Variants in MAVS observed in about 807,000 individuals in gnomAD.
MAVS encodes mitochondrial antiviral-signaling protein.
MAVS carries 20 observed loss-of-function variants against 30.2 expected under a neutral mutation model. The ratio of observed to expected loss-of-function variants is 0.66; its 90% CI spans 0.47 to 0.96. The LOEUF is 0.96. MAVS is among the 40% of genes least tolerant of loss of function. MAVS has a pLI of 0.00. For missense variants in MAVS, 624 were observed against 701.1 expected (o/e 0.89, Z 1.24); for synonymous variants, 278 against 293.9 (o/e 0.95, Z 0.55).
At position 3,874,259 on chromosome 20, in the gene MAVS, G is replaced by A. The variant is rs144606453; in HGVS notation, c.*8112G>A. 4 of 398,462 alleles carry A rather than the reference G, an allele frequency of 1.0e-5. No individual in the cohort carries two copies. Among genetic ancestry groups the A allele is most frequent in the Non-Finnish European group, 1.8e-5 (4 of 226,054 alleles). 24.7% of individuals were successfully genotyped at this position (398,462 alleles called of 1,614,324 possible). ...TGATCCATGGTGTTAGAAGCCAGGG[G>A]AACAGTTAACAGGGGAGGGATACTG... On this transcript the variant is annotated 3_prime_UTR_variant, in exon 7 of 7. Transcript: ENST00000428216.
rs2089977185 is a variant in MAVS at position 3,874,529 on chromosome 20, T to C, written c.*8382T>C. ...AAAAAAGGGAAGGCTCTGGGTGTGC[T>C]GTGATTGGAGATTGTTGGCATGGGG... On this transcript the variant is annotated 3_prime_UTR_variant, in exon 7 of 7. Transcript: ENST00000428216. 1 of 267,280 alleles carries C rather than the reference T, an allele frequency of 3.7e-6. No individual in the cohort carries two copies. Among genetic ancestry groups the C allele is most frequent in the Non-Finnish European group, 7.0e-6 (1 of 142,322 alleles). The allele number at this position is 267,280 out of a possible 1,614,324, so 16.6% of individuals were successfully genotyped here. A position where few individuals can be genotyped will look rare whatever the true frequency, so the allele number is the denominator to read the frequency against.
In MAVS at chr20:3,865,826, C is replaced by T. The variant is rs1244709323; in HGVS notation, c.1302C>T (p.Gly434=). ...CCCAGGTAGACAGCCCGTTCTCGGG[C>T]TGCTTCGAGGATCTTGCCATCAGTG... ...LASQVDSPFS[G]CFEDLAISAS... The change falls in exon 7 of 7, where the codon GGC becomes GGT. Residue 434 remains glycine (G), a synonymous_variant. Coordinates refer to ENST00000428216, the MANE Select transcript of MAVS (RefSeq NM_020746.5). The surrounding 1 kb of genome is among the most constrained non-coding windows in gnomAD (Gnocchi z 4.7). 6.2e-7 allele frequency: 1 copy of T among 1,614,038 alleles called. No homozygotes were observed. The highest frequency in any genetic ancestry group is 1.1e-5 in the South Asian group (1 of 91,088).
At chr20:3,861,743 TTGTGTG>T (rs111361032) in intron 4 of MAVS, among the ~76,000 whole-genome samples, 7 of 148,794 alleles carry the variant, frequency 4.7e-5, no homozygotes, top group Admixed American at 1.3e-4. Context: ...GACCACAGTT[TTGTGTG>T]TGTGTGTGTG....
At position 3,864,575 on chromosome 20, in the gene MAVS, C is replaced by T. The variant is rs943562177; in HGVS notation, c.945C>T (p.Asn315=). The T allele has an allele frequency of 1.2e-6, 2 of 1,614,152 alleles. No individual in the cohort carries two copies. The highest frequency in any genetic ancestry group is 2.2e-5 in the East Asian group (1 of 44,874). ...CAGTGGCCCTGAAAGTGCCTGCCAA[C>T]CCAGCATCTGTCAGCACAGTGCCCT... The part of the protein sequence containing the change: ...VNTVALKVPA[N]PASVSTVPSK... The change falls in exon 6 of 7, where the codon AAC becomes AAT. Residue 315 remains asparagine, a synonymous_variant. Coordinates refer to ENST00000428216, the MANE Select transcript of MAVS (RefSeq NM_020746.5).
chr20:3,857,676 C>T lies in MAVS; in HGVS notation c.159C>T (p.Asp53=), dbSNP rs779275322. ...RATCTLSGNR[D]TLWHLFNTLQ... ...CCTGCACACTCTCAGGGAACCGGGA[C>T]ACCCTCTGGCATCTCTTCAATACCC... Residue 53 remains aspartate, a synonymous_variant, in exon 3 of 7, where the codon GAC becomes GAT. Coordinates refer to ENST00000428216, the MANE Select transcript of MAVS (RefSeq NM_020746.5). 4.3e-6 allele frequency: 7 copies of T among 1,614,200 alleles called. No individual in the cohort carries two copies. In the East Asian group the frequency reaches 1.6e-4, roughly 36 times the overall value.
rs1270212754 is a variant in MAVS at position 3,864,763 on chromosome 20, C to G, written c.1133C>G (p.Pro378Arg). ...VLTKVSASTV[P>R]TDGSSRNEET... ...ACCAAGGTGTCTGCCAGCACAGTCC[C>G]CACTGACGGGAGCAGCAGAAATGAG... Residue 378 changes from proline (P) to arginine (R), a missense_variant, in exon 6 of 7, where the codon CCC becomes CGC. Physicochemically the swap from Pro to Arg is moderately radical, Grantham distance 103. Coordinates refer to ENST00000428216, the MANE Select transcript of MAVS (RefSeq NM_020746.5). The G allele has an allele frequency of 3.7e-6, 6 of 1,614,064 alleles. No individual in the cohort carries two copies. The highest frequency in any genetic ancestry group is 5.1e-6 in the Non-Finnish European group (6 of 1,179,962).
intron 2 of MAVS, among the ~76,000 whole-genome samples, chr20:3,856,357 T>TG (rs2089810742): frequency 6.9e-6 from 1 of 144,494 alleles, no homozygotes; most frequent in African/African-American, 2.6e-5. Context: ...CCCAGCATTT[T>TG]TTTTTTTTTT....
At chr20:3,851,752 T>C (rs1329658506) in intron 1 of MAVS, among the ~76,000 whole-genome samples, 1 of 151,708 alleles carries the variant, frequency 6.6e-6, no homozygotes, top group African/African-American at 2.4e-5. Context: ...GGTCAGGAGT[T>C]CAAGACCAGC....
Position 3,866,552 on chromosome 20 carries a change from G to T in MAVS, c.*405G>T, listed in dbSNP as rs2089910614. 3 of 331,950 alleles carry T rather than the reference G, an allele frequency of 9.0e-6. No homozygotes were observed. Among genetic ancestry groups the T allele is most frequent in the Non-Finnish European group, 1.7e-5 (3 of 172,500 alleles). The allele number at this position is 331,950 out of a possible 1,614,324, so 20.6% of individuals were successfully genotyped here. Reference sequence around the variant, plus strand: ...TCTCCTGTTGCATTGGTCCCTGAAGGCCTCAGGGCAGGTATGTGGTGTGTG... The same window carrying T: ...TCTCCTGTTGCATTGGTCCCTGAAGTCCTCAGGGCAGGTATGTGGTGTGTG... On this transcript the variant is annotated 3_prime_UTR_variant, in exon 7 of 7. Coordinates refer to ENST00000428216, the MANE Select transcript of MAVS (RefSeq NM_020746.5).
In MAVS at chr20:3,860,182, G is replaced by A. The variant is rs533858123; in HGVS notation, c.293-1150G>A. 1.7e-3 allele frequency among the ~76,000 whole-genome samples: 253 copies of A among 151,912 alleles called. 1 individual carries two copies. Among genetic ancestry groups the A allele is most frequent in the African/African-American group, 5.7e-3 (236 of 41,450 alleles). ...CTTTTGGACCTATGGGTGGGGCGGGGGGTGTACCCAAGAGCACCCAAGCCT... is the reference window on the plus strand; with the variant it reads ...CTTTTGGACCTATGGGTGGGGCGGGAGGTGTACCCAAGAGCACCCAAGCCT... On this transcript the variant is annotated intron_variant, in intron 3 of 6. Transcript: ENST00000428216.
rs1448891305 is a variant in MAVS, at chr20:3,875,496, A to C, written c.*9349A>C. On this transcript the variant is annotated 3_prime_UTR_variant, in exon 7 of 7. Coordinates refer to ENST00000428216, the MANE Select transcript of MAVS (RefSeq NM_020746.5). ...TATTTAAAAAAAAAAAAAACCAGCC[A>C]AAACCACAACTTTTTACTGAAGTGT... is the stretch of plus-strand genomic sequence containing the variant. 6.7e-6 allele frequency: 1 copy of C among 149,998 alleles called. No homozygotes were observed. The highest frequency in any genetic ancestry group is 2.5e-5 in the African/African-American group (1 of 40,632). The allele number at this position is 149,998 out of a possible 1,614,324, so 9.3% of individuals were successfully genotyped here. A position where few individuals can be genotyped will look rare whatever the true frequency, so the allele number is the denominator to read the frequency against.
chr20:3,848,855 A>C (rs570675773), intron 1 of MAVS, among the ~76,000 whole-genome samples: 1 of 152,116 alleles, frequency 6.6e-6, no homozygotes, highest in African/African-American at 2.4e-5. Flanking sequence ...CCAGTGCCCA[A>C]GGAGTCATGC....
At position 3,870,113 on chromosome 20, in the gene MAVS, A is replaced by G. The variant is rs1221787786; in HGVS notation, c.*3966A>G. The stretch of plus-strand genomic sequence containing the variant: ...CTGCACTTGGTGGGGAAAGCCAGGC[A>G]GGTCACCCTCACAGCCAGATAATGT... On this transcript the variant is annotated 3_prime_UTR_variant, in exon 7 of 7. Transcript: ENST00000428216. 6.6e-6 allele frequency: 1 copy of G among 152,376 alleles called. No homozygotes were observed. Among genetic ancestry groups the G allele is most frequent in the East Asian group, 1.9e-4 (1 of 5,306 alleles). The allele number at this position is 152,376 out of a possible 1,614,324, so 9.4% of individuals were successfully genotyped here.
chr20:3,854,436 A>G (rs1280658958), intron 1 of MAVS, 122 bp from the exon 2 acceptor site: 3 of 383,144 alleles, frequency 7.8e-6, no homozygotes, highest in Middle Eastern at 7.9e-4. Context: ...AAAAAAAAAA[A>G]AAGAAGAAAT....
intron 1 of MAVS, among the ~76,000 whole-genome samples, chr20:3,849,153 C>T (rs1324868346): frequency 6.6e-6 from 1 of 152,094 alleles, no homozygotes; most frequent in East Asian, 1.9e-4. Context: ...ACATGAGTGG[C>T]CCCTGCCACC....
chr20:3,864,453 AGT>A lies in MAVS; in HGVS notation c.825_826del (p.Ser275ArgfsTer54), dbSNP rs780886338. On this transcript the variant is annotated frameshift_variant, in exon 6 of 7. Coordinates refer to ENST00000428216, the MANE Select transcript of MAVS (RefSeq NM_020746.5). LOFTEE classifies it high-confidence loss of function. ...TGCAGAGGGTAAACAGGGTGCAGAG[AGT>A]GACCAGGCCGAGCCTATCATCTGCT... ...GAAEGKQGAE[S>X]DQAEPIICSS... The A allele has an allele frequency of 6.2e-7, 1 of 1,613,926 alleles. No individual in the cohort carries two copies. Among genetic ancestry groups the A allele is most frequent in the Non-Finnish European group, 8.5e-7 (1 of 1,179,986 alleles).
Position 3,861,493 on chromosome 20 carries a change from T to TC in MAVS, c.458dup (p.Gly154ArgfsTer30). On this transcript the variant is annotated frameshift_variant, in exon 4 of 7. Coordinates refer to ENST00000428216, the MANE Select transcript of MAVS (RefSeq NM_020746.5). LOFTEE classifies it high-confidence loss of function. ...TGTCCAGGAGACCCAGGCGCCAGAG[T>TC]CCCCAGGAGAGGTCTGTCCTCATAG... The TC allele has an allele frequency of 2.5e-6, 4 of 1,613,622 alleles. No homozygotes were observed. The highest frequency in any genetic ancestry group is 3.4e-6 in the Non-Finnish European group (4 of 1,179,854).
chr20:3,855,015 T>A (rs1171326860), intron 2 of MAVS, among the ~76,000 whole-genome samples: 1 of 151,464 alleles, frequency 6.6e-6, no homozygotes, highest in Non-Finnish European at 1.5e-5. Flanking sequence ...CTCAGCCTCC[T>A]GAGTAGCTGG....
chr20:3,861,559 T>C (rs2089867724), intron 4 of MAVS, 55 bp downstream of exon 4: 13 of 1,566,822 alleles, frequency 8.3e-6, no homozygotes, highest in Non-Finnish European at 1.1e-5. Context: ...ATCTGCCCAC[T>C]TCTGCCCATT....
Sources: gnomAD v4.1 joint callset for allele counts (sites outside exome capture counted in the v4.1 genomes callset) on GRCh38, gnomAD v4.1.1 for gene constraint, Gnocchi (gnomAD v3.1) non-coding constraint, MANE v1.5 for transcripts, NCBI Gene and HGNC (gene_info 2026-07-23, HGNC 2026-07-21) for gene names.